The following CNBD1 variants were observed in gnomAD, a reference collection of about 807,000 sequenced individuals.
CNBD1 encodes the protein cyclic nucleotide binding domain containing 1.
Under a neutral mutation model 54.4 loss-of-function variants are expected in CNBD1, and 71 were observed. The observed-to-expected ratio is 1.30, with a 90% CI of 1.08 to 1.59. The LOEUF (loss-of-function observed/expected upper bound fraction) is 1.59, where lower values mean the gene tolerates loss of function less well. CNBD1 is among the 40% of genes most tolerant of loss of function. The probability of loss-of-function intolerance (pLI) is 0.00; values close to 1 mark genes in which losing one functional copy is unlikely to be tolerated. For missense variants in CNBD1, 659 were observed against 518.0 expected, an observed-to-expected ratio of 1.27 and a Z score of -2.64; for synonymous variants, 182 against 170.7, an observed-to-expected ratio of 1.07 and a Z score of -0.51.
At chr8:87,206,344 A>G (rs187485812) in intron 5 of CNBD1, among the ~76,000 whole-genome samples, 107 of 152,232 alleles carry the variant, frequency 7.0e-4, no homozygotes, top group Admixed American at 2.1e-3. Flanking sequence ...TAAGATATAT[A>G]CTTGTGTTTC....
At position 87,425,863 on chromosome 8, in the gene CNBD1, A is replaced by G. The variant is rs1314113428; in HGVS notation, c.214-2683A>G. Among the ~76,000 whole-genome samples the G allele has an allele frequency of 2.7e-3, 408 of 151,850 alleles. 1 individual carries two copies. The highest frequency in any genetic ancestry group is 4.2e-3 in the Non-Finnish European group (284 of 67,872). Reference sequence around the variant, plus strand: ...GGGCTCCACCCAGTTCGAGCTTCCCAGCTGCTTTGTTTACCTAATCAAGCC... The same window carrying G: ...GGGCTCCACCCAGTTCGAGCTTCCCGGCTGCTTTGTTTACCTAATCAAGCC... On this transcript the variant is annotated intron_variant, in intron 2 of 7. Coordinates refer to the CNBD1 transcript ENST00000521593.
chr8:87,351,843 A>T, intron 9 of CNBD1, 49 bp downstream of exon 9: 1 of 1,364,390 alleles, frequency 7.3e-7, no homozygotes, highest in Non-Finnish European at 9.5e-7. Flanking sequence ...TACTCTAAAG[A>T]ATAGTGTCAG....
At chr8:86,990,999 A>T (rs759122807) in intron 4 of CNBD1, among the ~76,000 whole-genome samples, 7 of 152,124 alleles carry the variant, frequency 4.6e-5, no homozygotes, top group African/African-American at 7.2e-5. Context: ...TACTGTCATT[A>T]TATAGAAATA....
At chr8:86,944,778 T>G (rs1245797151) in intron 4 of CNBD1, among the ~76,000 whole-genome samples, 3 of 152,100 alleles carry the variant, frequency 2.0e-5, no homozygotes, top group African/African-American at 7.2e-5. Context: ...ATGTTATGAT[T>G]TACATGGCAA....
At chr8:87,072,372 C>T (rs972086325) in intron 4 of CNBD1, among the ~76,000 whole-genome samples, 1 of 152,040 alleles carries the variant, frequency 6.6e-6, no homozygotes, top group East Asian at 1.9e-4. Flanking sequence ...ATTTTGCAGA[C>T]TTGTTTATGT....
intron 4 of CNBD1, among the ~76,000 whole-genome samples, chr8:87,172,009 G>C (rs893267018): frequency 6.6e-6 from 1 of 151,886 alleles, no homozygotes; most frequent in Non-Finnish European, 1.5e-5. Context: ...TATCCCAAAG[G>C]TTTTGTGTGT....
chr8:87,251,088 A>T lies in CNBD1; in HGVS notation c.771+13976A>T, dbSNP rs552581545. Among the ~76,000 whole-genome samples, 85 of 152,204 alleles carry T rather than the reference A, an allele frequency of 5.6e-4. No homozygotes were observed. The South Asian group carries it at 0.017, about 30-fold the overall frequency. On this transcript the variant is annotated intron_variant, in intron 6 of 10. Coordinates refer to ENST00000518476, the MANE Select transcript of CNBD1 (RefSeq NM_173538.3). ...ATTCCTATATCAAAACATCACATGT[A>T]CCCCATAAATATATATTACTGTTAT... is the stretch of plus-strand genomic sequence containing the variant.
chr8:86,979,541 G>A (rs1808424767), intron 4 of CNBD1, among the ~76,000 whole-genome samples: 1 of 151,544 alleles, frequency 6.6e-6, no homozygotes, highest in Non-Finnish European at 1.5e-5. Flanking sequence ...AGTGAGCCGT[G>A]ATCTACTTCA....
chr8:86,983,050 G>T (rs1586178950), intron 4 of CNBD1, among the ~76,000 whole-genome samples: 1 of 152,146 alleles, frequency 6.6e-6, no homozygotes, highest in Admixed American at 6.5e-5. Context: ...TGGGCATATT[G>T]TATGATGCTG....
intron 6 of CNBD1, among the ~76,000 whole-genome samples, chr8:87,263,902 A>G (rs1808194734): frequency 1.3e-5 from 2 of 152,168 alleles, no homozygotes; most frequent in South Asian, 4.1e-4. Context: ...AAGGTACTTT[A>G]CAGTTCACAA....
chr8:87,099,065 A>AAAAAAAAAAAAAAAC (rs978372704), intron 4 of CNBD1, among the ~76,000 whole-genome samples: 15 of 144,064 alleles, frequency 1.0e-4, no homozygotes, highest in African/African-American at 4.2e-4. Context: ...AAAAAACAAA[A>AAAAAAAAAAAAAAAC]CTCCAAATTT....
chr8:87,092,497 A>G (rs575310100), intron 4 of CNBD1, among the ~76,000 whole-genome samples: 1,371 of 132,802 alleles, frequency 0.01, 28 homozygotes, highest in African/African-American at 0.045. Context: ...GTGTGTGTGT[A>G]TATATATGTG....
intron 2 of CNBD1, among the ~76,000 whole-genome samples, chr8:86,893,815 CTT>C (rs1342668981): frequency 6.6e-6 from 1 of 151,934 alleles, no homozygotes; most frequent in Non-Finnish European, 1.5e-5. Flanking sequence ...TACCTTTTCT[CTT>C]TATTTCTCCA....
intron 1 of CNBD1, among the ~76,000 whole-genome samples, chr8:86,880,161 G>T (rs1808584068): frequency 6.6e-6 from 1 of 152,026 alleles, no homozygotes; most frequent in Admixed American, 6.5e-5. Flanking sequence ...ATATTGAGCT[G>T]TGGCAAGCAT....
At chr8:87,379,609 G>A (rs10107704) in intron 10 of CNBD1, among the ~76,000 whole-genome samples, 59,098 of 151,574 alleles carry the variant, frequency 0.39, 11,763 homozygotes, top group Middle Eastern at 0.46. Flanking sequence ...TTTTGATGAA[G>A]AAATAAAAGG....
intron 6 of CNBD1, among the ~76,000 whole-genome samples, chr8:87,275,566 C>T (rs1373212017): frequency 1.9e-4 from 29 of 150,930 alleles, no homozygotes; most frequent in African/African-American, 5.9e-4. Flanking sequence ...ATTGATGGGA[C>T]GTATCTCAAA....
At position 87,423,014 on chromosome 8, in the gene CNBD1, G is replaced by A. The variant is rs531371480; in HGVS notation, c.214-5532G>A. On this transcript the variant is annotated intron_variant, in intron 2 of 7. Coordinates refer to the CNBD1 transcript ENST00000521593. ...CATCCCTTGTAAGTTGGATTCCTAGGTATTTTATTCTCTTTGAAGCAATTG... is the reference window on the plus strand; with the variant it reads ...CATCCCTTGTAAGTTGGATTCCTAGATATTTTATTCTCTTTGAAGCAATTG... 3.8e-3 allele frequency among the ~76,000 whole-genome samples: 572 copies of A among 151,842 alleles called. 6 individuals are homozygous for A. The highest frequency in any genetic ancestry group is 0.013 in the African/African-American group (550 of 41,262).
intron 4 of CNBD1, among the ~76,000 whole-genome samples, chr8:87,137,893 A>T (rs1025674707): frequency 6.6e-6 from 1 of 152,164 alleles, no homozygotes; most frequent in Non-Finnish European, 1.5e-5. Flanking sequence ...TAGTGGAATG[A>T]AGAACTTTTC....
chr8:87,176,631 T>G (rs889605887), intron 4 of CNBD1, among the ~76,000 whole-genome samples: 1 of 151,106 alleles, frequency 6.6e-6, no homozygotes, highest in Admixed American at 6.6e-5. Context: ...ATTACAGGCG[T>G]GGCCCACCAC....
Sources: gnomAD v4.1 joint callset for allele counts (sites outside exome capture counted in the v4.1 genomes callset) on GRCh38, gnomAD v4.1.1 for gene constraint, MANE v1.5 for transcripts, NCBI Gene and HGNC (gene_info 2026-07-23, HGNC 2026-07-21) for gene names.